CHST11: variants seen among roughly 807,000 people sequenced by gnomAD.
CHST11 encodes C4S-1.
In CHST11, 9 loss-of-function variants were observed where a neutral mutation model predicts 30.4. That is an observed-to-expected ratio of 0.30 (90% CI 0.18 to 0.52). The LOEUF is 0.52. CHST11 is among the 20% of genes least tolerant of loss of function. The pLI is 0.97. For synonymous variants in CHST11, 152 were observed against 187.8 expected, an observed-to-expected ratio of 0.81 and a Z score of 1.56; for missense variants, 348 against 460.6, an observed-to-expected ratio of 0.76 and a Z score of 2.24.
chr12:104,702,998 A>G (rs375313863), intron 2 of CHST11, among the ~76,000 whole-genome samples: 4 of 152,078 alleles, frequency 2.6e-5, no homozygotes, highest in African/African-American at 9.7e-5. Context: ...TCCTGGCCCC[A>G]CAGCCCCACA....
At chr12:104,462,133 T>C (rs371074317) in intron 1 of CHST11, among the ~76,000 whole-genome samples, 4 of 139,228 alleles carry the variant, frequency 2.9e-5, no homozygotes, top group South Asian at 4.4e-4. Context: ...TGCCATTGCA[T>C]TCCATCCTGG....
chr12:104,458,041 T>C lies in CHST11; in HGVS notation c.118+512T>C, dbSNP rs928769709. Among the ~76,000 whole-genome samples, 3 of 151,094 alleles carry C rather than the reference T, an allele frequency of 2.0e-5. No homozygotes were observed. Among genetic ancestry groups the C allele is most frequent in the Non-Finnish European group, 4.4e-5 (3 of 67,660 alleles). ...GCGAAGGGTGTACGCCCCGGCGAGGTTGCGAGTCCCTGCAGCAGGCTGGGA... is the reference window on the plus strand; with the variant it reads ...GCGAAGGGTGTACGCCCCGGCGAGGCTGCGAGTCCCTGCAGCAGGCTGGGA... On this transcript the variant is annotated intron_variant, in intron 1 of 2. Coordinates refer to ENST00000303694, the MANE Select transcript of CHST11 (RefSeq NM_018413.6). This position sits in a 1 kb window ranked among gnomAD's most constrained non-coding sequence, Gnocchi z 5.7.
intron 2 of CHST11, among the ~76,000 whole-genome samples, chr12:104,728,884 A>G (rs2040235456): frequency 6.6e-6 from 1 of 152,214 alleles, no homozygotes; most frequent in Non-Finnish European, 1.5e-5. Flanking sequence ...GATGGCCAGT[A>G]TCTTTCTTCC....
intron 1 of CHST11, among the ~76,000 whole-genome samples, chr12:104,598,566 CCTT>C (rs1281772761): frequency 2.6e-5 from 4 of 152,342 alleles, no homozygotes; most frequent in African/African-American, 9.6e-5. Flanking sequence ...ATCTCCCCCT[CCTT>C]CTGATTCAAC....
chr12:104,460,242 A>G (rs2037394152), intron 1 of CHST11, among the ~76,000 whole-genome samples: 1 of 152,220 alleles, frequency 6.6e-6, no homozygotes, highest in South Asian at 2.1e-4. Context: ...CGGATTGTGT[A>G]GCTAAAAATT....
intron 1 of CHST11, among the ~76,000 whole-genome samples, chr12:104,562,010 C>T (rs2136017207): frequency 6.6e-6 from 1 of 152,216 alleles, no homozygotes; most frequent in Admixed American, 6.5e-5. Context: ...CCCTCAATAG[C>T]TCCTACTGCC....
intron 2 of CHST11, among the ~76,000 whole-genome samples, chr12:104,699,585 T>C (rs373477691): frequency 5.9e-5 from 9 of 152,316 alleles, no homozygotes; most frequent in African/African-American, 2.2e-4. Flanking sequence ...TCCTGGTGGC[T>C]TTCGGATAGT....
intron 2 of CHST11, among the ~76,000 whole-genome samples, chr12:104,636,642 A>G (rs1161548297): frequency 4.6e-5 from 7 of 152,138 alleles, no homozygotes; most frequent in Non-Finnish European, 1.0e-4. Flanking sequence ...CGGCTCTGCT[A>G]CTTTGCAGCT....
intron 2 of CHST11, among the ~76,000 whole-genome samples, chr12:104,698,783 G>A (rs1333728510): frequency 6.6e-6 from 1 of 152,304 alleles, no homozygotes; most frequent in African/African-American, 2.4e-5. Context: ...AACATAGCAT[G>A]TGCAAATGAA....
At chr12:104,546,833 C>T (rs548273336) in intron 1 of CHST11, among the ~76,000 whole-genome samples, 3 of 152,182 alleles carry the variant, frequency 2.0e-5, no homozygotes, top group African/African-American at 7.2e-5. Context: ...TACCCTTGGG[C>T]GGTTGGTACA....
chr12:104,539,481 G>A (rs771057609), intron 1 of CHST11, among the ~76,000 whole-genome samples: 16 of 152,166 alleles, frequency 1.1e-4, no homozygotes, highest in Non-Finnish European at 1.5e-4. Flanking sequence ...ATGGGGATAC[G>A]ATGAAATATT....
chr12:104,598,151 T>C (rs2038924705), intron 1 of CHST11, among the ~76,000 whole-genome samples: 1 of 152,224 alleles, frequency 6.6e-6, no homozygotes, highest in Non-Finnish European at 1.5e-5. Context: ...GTAAGATACA[T>C]GTGAGGTGAA....
intron 1 of CHST11, among the ~76,000 whole-genome samples, chr12:104,548,492 A>G (rs2038374378): frequency 6.6e-6 from 1 of 152,248 alleles, no homozygotes; most frequent in African/African-American, 2.4e-5. Flanking sequence ...GGACAGGGAA[A>G]AAGAAAGGGA....
chr12:104,757,467 G>A lies in CHST11; in HGVS notation c.723G>A (p.Val241=). The A allele has an allele frequency of 1.2e-6, 2 of 1,614,016 alleles. No individual in the cohort carries two copies. The highest frequency in any genetic ancestry group is 2.7e-5 in the African/African-American group (2 of 74,968). The change falls in exon 3 of 3, where the codon GTG becomes GTA. Residue 241 remains valine, a synonymous_variant. Coordinates refer to ENST00000303694, the MANE Select transcript of CHST11 (RefSeq NM_018413.6). This position sits in a 1 kb window ranked among gnomAD's most constrained non-coding sequence, Gnocchi z 6.5. ...KGDDVKFEEF[V]AYLIDPHTQR... The stretch of plus-strand genomic sequence containing the variant: ...ACGATGTCAAATTCGAGGAGTTTGT[G>A]GCCTATCTCATCGACCCACACACCC...
At chr12:104,653,455 C>T (rs2039513290) in intron 2 of CHST11, among the ~76,000 whole-genome samples, 1 of 152,164 alleles carries the variant, frequency 6.6e-6, no homozygotes, top group Non-Finnish European at 1.5e-5. Context: ...TGAGTACCTA[C>T]TGCGTGGTAG....
chr12:104,705,612 G>A (rs561714139), intron 2 of CHST11, among the ~76,000 whole-genome samples: 18 of 152,274 alleles, frequency 1.2e-4, no homozygotes, highest in African/African-American at 4.3e-4. Context: ...CGGAAGGTAA[G>A]GGCTGCAGGT....
rs2040508455 is a variant in CHST11, at chr12:104,759,692, A to G, written c.*1889A>G. 6.6e-6 allele frequency: 1 copy of G among 152,208 alleles called. No homozygotes were observed. Among genetic ancestry groups the G allele is most frequent in the Non-Finnish European group, 1.5e-5 (1 of 68,030 alleles). 9.4% of individuals were successfully genotyped at this position (152,208 alleles called of 1,614,324 possible). On this transcript the variant is annotated 3_prime_UTR_variant, in exon 3 of 3. Coordinates refer to ENST00000303694, the MANE Select transcript of CHST11 (RefSeq NM_018413.6). ...ACGTGAGTGAGATGTGGGCCGGAGA[A>G]GGTAGCTGAAGCTATTTATAAAACG...
At chr12:104,753,732 T>C (rs1265719514) in intron 2 of CHST11, among the ~76,000 whole-genome samples, 1 of 152,188 alleles carries the variant, frequency 6.6e-6, no homozygotes, top group Non-Finnish European at 1.5e-5. Context: ...ACATTAAAGG[T>C]GGCCAAGACC....
At chr12:104,694,545 C>T (rs956414708) in intron 2 of CHST11, among the ~76,000 whole-genome samples, 1 of 152,212 alleles carries the variant, frequency 6.6e-6, no homozygotes, top group East Asian at 1.9e-4. Flanking sequence ...GTCAAGAGCA[C>T]AGCCCCCTGT....
Sources: allele counts gnomAD v4.1 joint callset (sites outside exome capture counted in the v4.1 genomes callset), GRCh38; gene constraint gnomAD v4.1.1; non-coding constraint Gnocchi (gnomAD v3.1); transcripts MANE v1.5; gene names NCBI Gene and HGNC (gene_info 2026-07-23, HGNC 2026-07-21).